Variants in DIS3L2 observed in about 807,000 individuals in gnomAD.
The protein encoded by DIS3L2 is DIS3 like 3'-5' exoribonuclease 2.
Under a neutral mutation model 97.5 loss-of-function variants are expected in DIS3L2, and 34 were observed. That is an observed-to-expected ratio of 0.35 (90% confidence interval 0.27 to 0.46). The LOEUF (loss-of-function observed/expected upper bound fraction) is 0.46, where lower values mean the gene tolerates loss of function less well. Among genes scored for constraint, DIS3L2 ranks in the 20% least tolerant of loss-of-function variants. DIS3L2 has a pLI of 1.00. For synonymous variants in DIS3L2, 435 were observed against 445.2 expected (o/e 0.98, Z 0.29); for missense variants, 1,038 against 1,146.0 (o/e 0.91, Z 1.36).
intron 8 of DIS3L2, among the ~76,000 whole-genome samples, chr2:232,162,067 G>T (rs927377876): frequency 1.3e-5 from 2 of 152,100 alleles, no homozygotes; most frequent in Non-Finnish European, 2.9e-5. Flanking sequence ...CACTGCACCT[G>T]GTCCAAAATA....
At chr2:232,032,013 G>A (rs2106242069) in intron 5 of DIS3L2, among the ~76,000 whole-genome samples, 1 of 152,224 alleles carries the variant, frequency 6.6e-6, no homozygotes, top group African/African-American at 2.4e-5. Context: ...ATAATCCTTT[G>A]GGTATATACA....
intron 4 of DIS3L2, among the ~76,000 whole-genome samples, chr2:232,029,165 G>A (rs1694738998): frequency 6.6e-6 from 1 of 152,016 alleles, no homozygotes; most frequent in Non-Finnish European, 1.5e-5. Context: ...GTCACCTCCT[G>A]TAAGAAAAAA....
chr2:231,969,956 T>C (rs2106162107), intron 1 of DIS3L2, among the ~76,000 whole-genome samples: 1 of 152,234 alleles, frequency 6.6e-6, no homozygotes, highest in South Asian at 2.1e-4. Flanking sequence ...ATATGATTTT[T>C]TTTTTTCGAG....
chr2:232,321,201 G>A (rs546405719), intron 14 of DIS3L2, among the ~76,000 whole-genome samples: 1 of 152,296 alleles, frequency 6.6e-6, no homozygotes, highest in Admixed American at 6.5e-5. Flanking sequence ...GGGGGGCCAG[G>A]GAGTGTGACA....
At chr2:232,333,225 TCGCCTCCTC>T in intron 16 of DIS3L2, among the ~76,000 whole-genome samples, 1 of 7,612 alleles carries the variant, frequency 1.3e-4, no homozygotes, top group Non-Finnish European at 2.4e-4. Context: ...TCCTCCGCTG[TCGCCTCCTC>T]CTCCTCCTCC....
intron 3 of DIS3L2, among the ~76,000 whole-genome samples, chr2:232,018,366 C>T: frequency 6.6e-6 from 1 of 152,124 alleles, no homozygotes; most frequent in Admixed American, 6.6e-5. Context: ...GCCAGGGCCT[C>T]CCCCCTACAT....
chr2:232,268,106 C>G lies in DIS3L2; in HGVS notation c.1659+4666C>G, dbSNP rs1334141802. 6.6e-6 allele frequency among the ~76,000 whole-genome samples: 1 copy of G among 152,082 alleles called. No homozygotes were observed. Among genetic ancestry groups the G allele is most frequent in the East Asian group, 1.9e-4 (1 of 5,188 alleles). ...AGGAAGCTGTGCACCATCATGGGTC[C>G]CCTGACAGGTGGTTAGGTGATGTGA... On this transcript the variant is annotated intron_variant, in intron 13 of 20. Transcript: ENST00000325385. The surrounding 1 kb of genome is among the most constrained non-coding windows in gnomAD (Gnocchi z 4.1).
intron 10 of DIS3L2, among the ~76,000 whole-genome samples, chr2:232,213,661 G>GTTTTTTTTTTT (rs67846645): frequency 1.2e-4 from 10 of 80,726 alleles, no homozygotes; most frequent in Non-Finnish European, 2.1e-4. Flanking sequence ...ATCATCTGTA[G>GTTTTTTTTTTT]TTTTTTTTTT....
chr2:232,229,532 A>G (rs1436454311), intron 10 of DIS3L2, among the ~76,000 whole-genome samples: 1 of 152,192 alleles, frequency 6.6e-6, no homozygotes, highest in African/African-American at 2.4e-5. Flanking sequence ...GGAAATTCCC[A>G]GACGTTGAGT....
intron 6 of DIS3L2, among the ~76,000 whole-genome samples, chr2:232,124,017 C>G (rs1697983178): frequency 1.3e-5 from 2 of 152,306 alleles, no homozygotes; most frequent in South Asian, 4.2e-4. Context: ...ACCTAGGCCT[C>G]AGATTATTCA....
intron 5 of DIS3L2, among the ~76,000 whole-genome samples, chr2:232,039,558 TA>T (rs1331339839): frequency 8.5e-5 from 13 of 152,180 alleles, no homozygotes; most frequent in Admixed American, 8.5e-4. Context: ...GCAAAATAGA[TA>T]GCTGTATGAG....
At chr2:232,314,878 G>A (rs1047495900) in intron 14 of DIS3L2, among the ~76,000 whole-genome samples, 13 of 152,230 alleles carry the variant, frequency 8.5e-5, no homozygotes, top group South Asian at 2.1e-4. Flanking sequence ...ACAGAGGGTC[G>A]GTGAGAATGA....
intron 14 of DIS3L2, among the ~76,000 whole-genome samples, chr2:232,324,225 G>GC (rs1695514474): frequency 6.6e-6 from 1 of 152,252 alleles, no homozygotes; most frequent in African/African-American, 2.4e-5. Flanking sequence ...GGGCTCTGGA[G>GC]CTTACAGGCA....
intron 3 of DIS3L2, among the ~76,000 whole-genome samples, chr2:232,021,545 A>G (rs1208333738): frequency 6.6e-6 from 1 of 152,002 alleles, no homozygotes; most frequent in Admixed American, 6.6e-5. Flanking sequence ...AATGGTAGTT[A>G]GAGTGACAGG....
intron 9 of DIS3L2, among the ~76,000 whole-genome samples, chr2:232,184,469 A>G (rs1310235682): frequency 6.6e-6 from 1 of 152,106 alleles, no homozygotes; most frequent in Non-Finnish European, 1.5e-5. Context: ...TGGGCAACAC[A>G]GCAAAACCCC....
chr2:232,257,411 C>T (rs1163063132), intron 12 of DIS3L2, among the ~76,000 whole-genome samples: 3 of 152,170 alleles, frequency 2.0e-5, no homozygotes, highest in Non-Finnish European at 2.9e-5. Context: ...CTTCTTGGCA[C>T]CTTTGACTTT....
intron 11 of DIS3L2, among the ~76,000 whole-genome samples, chr2:232,243,943 C>A (rs909789076): frequency 1.3e-5 from 2 of 152,272 alleles, no homozygotes; most frequent in Middle Eastern, 3.4e-3. Context: ...ACAGGACATG[C>A]AAAAGTCCAT....
chr2:232,222,340 A>T (rs1288127681), intron 10 of DIS3L2, among the ~76,000 whole-genome samples: 3 of 151,650 alleles, frequency 2.0e-5, no homozygotes, highest in African/African-American at 7.3e-5. Flanking sequence ...CAAGTACTTG[A>T]TCTCAGTCAA....
At chr2:232,213,824 A>G in intron 10 of DIS3L2, among the ~76,000 whole-genome samples, 1 of 152,102 alleles carries the variant, frequency 6.6e-6, no homozygotes, top group East Asian at 1.9e-4. Flanking sequence ...ACTTGTTACC[A>G]GTGTCTGTCA....
Sources: gnomAD v4.1 joint callset for allele counts (sites outside exome capture counted in the v4.1 genomes callset) on GRCh38, gnomAD v4.1.1 for gene constraint, Gnocchi (gnomAD v3.1) non-coding constraint, MANE v1.5 for transcripts, NCBI Gene and HGNC (gene_info 2026-07-23, HGNC 2026-07-21) for gene names.